Variants in WDR45B observed in about 807,000 individuals in gnomAD.
WDR45B encodes the protein WD repeat domain phosphoinositide-interacting protein 3.
A neutral mutation model predicts 44.6 loss-of-function variants in WDR45B; 20 were observed. The ratio of observed to expected loss-of-function variants is 0.45; its 90% confidence interval spans 0.32 to 0.65. WDR45B has a LOEUF of 0.65. Ranked by LOEUF, WDR45B falls within the 30% of genes least tolerant of loss-of-function variation. The pLI is 0.05. For synonymous variants in WDR45B, 169 were observed against 164.9 expected, an observed-to-expected ratio of 1.02 and a Z score of -0.19; for missense variants, 323 against 430.2, an observed-to-expected ratio of 0.75 and a Z score of 2.20.
intron 6 of WDR45B, among the ~76,000 whole-genome samples, chr17:82,619,514 A>G (rs2045585308): frequency 6.6e-6 from 1 of 151,886 alleles, no homozygotes; most frequent in Admixed American, 6.6e-5. Context: ...AGTCCCTCAG[A>G]TAGCTAGGAA....
chr17:82,640,062 C>T, intron 2 of WDR45B, among the ~76,000 whole-genome samples: 1 of 136,964 alleles, frequency 7.3e-6, no homozygotes, highest in East Asian at 2.1e-4. Flanking sequence ...CAGGGTTGGA[C>T]AACACTGCCC....
intron 6 of WDR45B, 51 bp downstream of exon 6, chr17:82,621,558 A>G: frequency 1.2e-6 from 2 of 1,610,752 alleles, no homozygotes; most frequent in Non-Finnish European, 1.7e-6. Flanking sequence ...CATTTTGCTG[A>G]GCCTGCTGCT....
Position 82,621,747 on chromosome 17 carries a change from G to T in WDR45B, c.480C>A (p.Gly160=). The change falls in exon 6 of 10, where the codon GGC becomes GGA. Residue 160 remains glycine (G), a synonymous_variant. Transcript: ENST00000392325. The part of the protein sequence containing the change: ...NSNNSLLAFP[G]THTGHVQLVD... The stretch of plus-strand genomic sequence containing the variant: ...CAAGCTGCACATGGCCCGTGTGCGT[G>T]CCCGGAAAGGCCAGGAGGGAGTTGT... The T allele has an allele frequency of 1.9e-6, 3 of 1,614,190 alleles. No homozygotes were observed. Among genetic ancestry groups the T allele is most frequent in the Non-Finnish European group, 1.7e-6 (2 of 1,180,038 alleles).
intron 6 of WDR45B, among the ~76,000 whole-genome samples, chr17:82,619,449 G>A (rs919196200): frequency 2.6e-5 from 4 of 151,954 alleles, no homozygotes; most frequent in African/African-American, 9.7e-5. Context: ...CCAGGCCCAG[G>A]CTCCCTGCTC....
At chr17:82,647,643 C>G (rs774181429) in intron 1 of WDR45B, among the ~76,000 whole-genome samples, 12 of 152,160 alleles carry the variant, frequency 7.9e-5, no homozygotes, top group Admixed American at 4.6e-4. Flanking sequence ...GAAGAAAAAT[C>G]CCGGGGAGTG....
chr17:82,638,212 AAAGGG>A (rs1362420844), intron 2 of WDR45B, among the ~76,000 whole-genome samples: 10 of 38,124 alleles, frequency 2.6e-4, no homozygotes, highest in Non-Finnish European at 4.2e-4. Context: ...GAGGGGAGGG[AAAGGG>A]AGGGGAGGGG....
intron 2 of WDR45B, among the ~76,000 whole-genome samples, chr17:82,635,808 G>A (rs921488064): frequency 6.6e-6 from 1 of 151,976 alleles, no homozygotes; most frequent in Non-Finnish European, 1.5e-5. Context: ...TGTTGGCTGG[G>A]TGCAGGGGCT....
chr17:82,644,742 G>A (rs868864937), intron 1 of WDR45B: 1 of 152,766 alleles, frequency 6.5e-6, no homozygotes, highest in African/African-American at 2.4e-5. Flanking sequence ...TTGGCTCTAT[G>A]AAGCTGTGGC....
At chr17:82,633,524 A>AT (rs2143330376) in intron 2 of WDR45B, among the ~76,000 whole-genome samples, 1 of 152,304 alleles carries the variant, frequency 6.6e-6, no homozygotes, top group East Asian at 1.9e-4. Context: ...GAAGATGACT[A>AT]ATTTTTTTTC....
At chr17:82,623,378 C>A (rs2045645062) in intron 5 of WDR45B, among the ~76,000 whole-genome samples, 1 of 130,874 alleles carries the variant, frequency 7.6e-6, no homozygotes, top group Non-Finnish European at 1.6e-5. Context: ...CAGAGCGAGA[C>A]TCTATCTCCA....
At position 82,629,421 on chromosome 17, in the gene WDR45B, G is replaced by A. The variant is rs1464178688; in HGVS notation, c.244+1500C>T. ...CTGCTCTCTCTGTGGAACCTCCGCT[G>A]TCCCTTCTGGGTGGGCTCCTCCAGA... is the stretch of plus-strand genomic sequence containing the variant. On this transcript the variant is annotated intron_variant, in intron 3 of 9. Transcript: ENST00000392325. 9 of 825,726 alleles carry A rather than the reference G, an allele frequency of 1.1e-5. 1 individual carries two copies. The highest frequency in any genetic ancestry group is 1.2e-3 in the Middle Eastern group (2 of 1,662). 51.1% of individuals were successfully genotyped at this position (825,726 alleles called of 1,614,324 possible). A position where few individuals can be genotyped will look rare whatever the true frequency, so the allele number is the denominator to read the frequency against.
intron 5 of WDR45B, among the ~76,000 whole-genome samples, chr17:82,623,779 C>A (rs2045653019): frequency 6.6e-6 from 1 of 151,760 alleles, no homozygotes; most frequent in African/African-American, 2.4e-5. Context: ...ACATCTGGGG[C>A]ACTTCCCAAA....
At chr17:82,630,450 C>T (rs2143314615) in intron 3 of WDR45B, among the ~76,000 whole-genome samples, 1 of 152,288 alleles carries the variant, frequency 6.6e-6, no homozygotes, top group Non-Finnish European at 1.5e-5. Context: ...CCTCCCTCTA[C>T]TTAAAAGGGC....
chr17:82,631,056 A>G, intron 2 of WDR45B, 34 bp from the exon 3 acceptor site: 1 of 1,565,002 alleles, frequency 6.4e-7, no homozygotes, highest in South Asian at 1.1e-5. Flanking sequence ...CCAATGTTAC[A>G]AGTTAATATG....
chr17:82,629,678 G>C (rs1372153942), intron 3 of WDR45B: 1 of 985,090 alleles, frequency 1.0e-6, no homozygotes, highest in Non-Finnish European at 1.2e-6. Flanking sequence ...GTCCTCACCC[G>C]AGTGTGGTCT....
chr17:82,627,064 T>C (rs1391027273), intron 4 of WDR45B, 140 bp downstream of exon 4: 1 of 788,436 alleles, frequency 1.3e-6, no homozygotes, highest in African/African-American at 1.7e-5. Context: ...AATCCTTATA[T>C]CCTTATGGTC....
intron 2 of WDR45B, among the ~76,000 whole-genome samples, chr17:82,639,683 C>G (rs1325458445): frequency 6.6e-6 from 1 of 151,222 alleles, no homozygotes; most frequent in African/African-American, 2.4e-5. Flanking sequence ...GTCTGGCGGG[C>G]TGCTGGGCTG....
chr17:82,626,970 C>T (rs544514889), intron 4 of WDR45B: 9 of 564,278 alleles, frequency 1.6e-5, no homozygotes, highest in South Asian at 5.8e-5. Context: ...CTGTGGCGCA[C>T]GTCATCCACG....
intron 2 of WDR45B, among the ~76,000 whole-genome samples, chr17:82,633,747 A>C (rs1007167744): frequency 6.6e-6 from 1 of 152,164 alleles, no homozygotes; most frequent in African/African-American, 2.4e-5. Flanking sequence ...ACAGCAGCTC[A>C]CTCACACCTA....
Sources: gnomAD v4.1 joint callset for allele counts (sites outside exome capture counted in the v4.1 genomes callset) on GRCh38, gnomAD v4.1.1 for gene constraint, MANE v1.5 for transcripts, NCBI Gene and HGNC (gene_info 2026-07-23, HGNC 2026-07-21) for gene names.